Variants in NBEA observed in about 807,000 individuals in gnomAD.
NBEA encodes neurobeachin, also known as lysosomal-trafficking regulator 2.
In NBEA, 44 loss-of-function variants were observed where a neutral mutation model predicts 343.4. The ratio of observed to expected loss-of-function variants is 0.13; its 90% confidence interval spans 0.10 to 0.16. The LOEUF is 0.16. Ranked by LOEUF, NBEA falls within the 10% of genes least tolerant of loss-of-function variation. The pLI is 1.00. For synonymous variants in NBEA, 1,175 were observed against 1,238.7 expected (o/e 0.95, Z 1.08); for missense variants, 2,555 against 3,631.3 (o/e 0.70, Z 7.62).
chr13:35,324,401 A>T (rs2038395167), intron 36 of NBEA, among the ~76,000 whole-genome samples: 1 of 152,236 alleles, frequency 6.6e-6, no homozygotes, highest in South Asian at 2.1e-4. Context: ...CAATATTTGA[A>T]AAACCAGAAT....
chr13:35,306,524 T>C (rs367563731), intron 35 of NBEA, among the ~76,000 whole-genome samples: 1 of 152,092 alleles, frequency 6.6e-6, no homozygotes, highest in Non-Finnish European at 1.5e-5. Flanking sequence ...CCAGTTTTAT[T>C]ACTACATTTT....
chr13:35,418,465 A>G (rs145995233), intron 38 of NBEA, among the ~76,000 whole-genome samples: 128 of 152,144 alleles, frequency 8.4e-4, no homozygotes, highest in Admixed American at 3.9e-3. Context: ...CAGAGTGAAG[A>G]ACATATGAGA....
intron 48 of NBEA, among the ~76,000 whole-genome samples, chr13:35,617,220 C>T (rs1402478266): frequency 1.3e-5 from 2 of 152,204 alleles, no homozygotes; most frequent in Admixed American, 6.5e-5. Context: ...AAACCAAATT[C>T]CTGTTATTTC....
At chr13:35,353,936 G>T (rs2040343996) in intron 38 of NBEA, among the ~76,000 whole-genome samples, 2 of 152,132 alleles carry the variant, frequency 1.3e-5, no homozygotes, top group South Asian at 4.1e-4. Context: ...GGACAGGCTG[G>T]CAGGCTAGAA....
chr13:35,435,843 G>A (rs186466401), intron 39 of NBEA, among the ~76,000 whole-genome samples: 4 of 152,250 alleles, frequency 2.6e-5, no homozygotes, highest in African/African-American at 9.6e-5. Context: ...CAATGTAAAT[G>A]AGGATTGCTG....
At chr13:35,334,116 T>C (rs565077346) in intron 36 of NBEA, among the ~76,000 whole-genome samples, 30 of 152,232 alleles carry the variant, frequency 2.0e-4, no homozygotes, top group African/African-American at 7.0e-4. Flanking sequence ...TTGAGGAACC[T>C]CCAAAGCATT....
chr13:35,412,406 T>G (rs78541794), intron 38 of NBEA, among the ~76,000 whole-genome samples: 1 of 152,172 alleles, frequency 6.6e-6, no homozygotes, highest in Admixed American at 6.6e-5. Flanking sequence ...TATATACTTA[T>G]ACATTCACCT....
At chr13:35,551,125 T>A in intron 43 of NBEA, 93 bp downstream of exon 43, 1 of 667,398 alleles carries the variant, frequency 1.5e-6, no homozygotes, top group Non-Finnish European at 2.3e-6. Flanking sequence ...ACATTATAAT[T>A]ATTTCAGAGA....
intron 41 of NBEA, among the ~76,000 whole-genome samples, chr13:35,480,040 T>G (rs2076057214): frequency 7.3e-6 from 1 of 136,476 alleles, no homozygotes; most frequent in African/African-American, 2.7e-5. Context: ...CAGGCTCGAT[T>G]TAAAATGTAC....
chr13:35,403,947 C>G (rs914729249), intron 38 of NBEA, among the ~76,000 whole-genome samples: 4 of 152,130 alleles, frequency 2.6e-5, no homozygotes, highest in Non-Finnish European at 2.9e-5. Flanking sequence ...CGAAGGACAT[C>G]AACAGACACT....
At chr13:35,115,116 C>G (rs2152666027) in intron 13 of NBEA, among the ~76,000 whole-genome samples, 1 of 152,124 alleles carries the variant, frequency 6.6e-6, no homozygotes, top group Non-Finnish European at 1.5e-5. Flanking sequence ...TTTATGGTAG[C>G]AAGTGAAATC....
At chr13:35,410,625 CTT>C (rs898420539) in intron 38 of NBEA, among the ~76,000 whole-genome samples, 2 of 152,108 alleles carry the variant, frequency 1.3e-5, no homozygotes, top group Non-Finnish European at 2.9e-5. Flanking sequence ...GTTCAGGACA[CTT>C]TTGTAAGTGA....
intron 1 of NBEA, among the ~76,000 whole-genome samples, chr13:34,975,260 A>G (rs921649566): frequency 2.6e-5 from 4 of 152,214 alleles, no homozygotes; most frequent in African/African-American, 7.2e-5. Context: ...CTGGTATAAA[A>G]ATAGACACAT....
At chr13:35,062,945 T>C (rs1350479584) in intron 8 of NBEA, among the ~76,000 whole-genome samples, 3 of 151,940 alleles carry the variant, frequency 2.0e-5, no homozygotes, top group African/African-American at 7.2e-5. Context: ...TGCATCTTGA[T>C]AGAGTGATGT....
At chr13:35,084,781 A>C (rs1203573427) in intron 10 of NBEA, among the ~76,000 whole-genome samples, 1 of 152,130 alleles carries the variant, frequency 6.6e-6, no homozygotes, top group Non-Finnish European at 1.5e-5. Flanking sequence ...TCAAAAAATC[A>C]ATGAATCCAG....
In NBEA at chr13:34,999,817, A is replaced by G. The variant is rs568501680; in HGVS notation, c.295-41116A>G. ...TATGTTTAGGTAACTTGATAAGGTT[A>G]TATATCCAGTAAGTACAGTGTCTGG... On this transcript the variant is annotated intron_variant, in intron 1 of 58. Coordinates refer to ENST00000379939, the MANE Select transcript of NBEA (RefSeq NM_001385012.1). Among the ~76,000 whole-genome samples, 4 of 152,124 alleles carry G rather than the reference A, an allele frequency of 2.6e-5. No homozygotes were observed. The South Asian group carries it at 6.2e-4, about 24-fold the overall frequency.
At chr13:35,372,541 GC>G (rs2041497646) in intron 38 of NBEA, among the ~76,000 whole-genome samples, 1 of 152,114 alleles carries the variant, frequency 6.6e-6, no homozygotes, top group Non-Finnish European at 1.5e-5. Flanking sequence ...TTTTTCCGCA[GC>G]CCCCCAGTGA....
chr13:35,413,863 TAAAC>T (rs1279207018), intron 38 of NBEA, among the ~76,000 whole-genome samples: 2 of 151,942 alleles, frequency 1.3e-5, no homozygotes, highest in Admixed American at 6.6e-5. Flanking sequence ...GAACAAAAAA[TAAAC>T]AAATGAAAAG....
chr13:35,005,462 A>G (rs547644288), intron 1 of NBEA, among the ~76,000 whole-genome samples: 36 of 152,316 alleles, frequency 2.4e-4, no homozygotes, highest in African/African-American at 8.7e-4. Context: ...TGTGCAATGA[A>G]TAATGAAACC....
Sources: gnomAD v4.1 joint callset for allele counts (sites outside exome capture counted in the v4.1 genomes callset) on GRCh38, gnomAD v4.1.1 for gene constraint, MANE v1.5 for transcripts, NCBI Gene and HGNC (gene_info 2026-07-23, HGNC 2026-07-21) for gene names.